Variants in RND3 observed in about 807,000 individuals in gnomAD.
RND3 encodes rho-related GTP-binding protein RhoE.
RND3 carries 8 observed loss-of-function variants against 26.5 expected under a neutral mutation model. The observed-to-expected ratio is 0.30, with a 90% CI of 0.18 to 0.54. The LOEUF (loss-of-function observed/expected upper bound fraction) is 0.54. Ranked by LOEUF, RND3 falls within the 20% of genes least tolerant of loss-of-function variation. The pLI is 0.94. For missense variants in RND3, 207 were observed against 302.8 expected, an observed-to-expected ratio of 0.68 and a Z score of 2.35; for synonymous variants, 113 against 113.0, an observed-to-expected ratio of 1.00 and a Z score of 0.00.
chr2:150,480,066 G>A (rs1347747459), intron 3 of RND3, among the ~76,000 whole-genome samples: 2 of 152,114 alleles, frequency 1.3e-5, no homozygotes, highest in African/African-American at 4.8e-5. Context: ...TCTTATTGAG[G>A]TACTTAAAAA....
chr2:150,479,013 T>C (rs918920950), intron 3 of RND3, among the ~76,000 whole-genome samples: 2 of 148,680 alleles, frequency 1.3e-5, no homozygotes, highest in East Asian at 2.0e-4. Flanking sequence ...ACAACTACAC[T>C]ATATATGCAA....
intron 3 of RND3, among the ~76,000 whole-genome samples, chr2:150,485,882 A>G (rs981498580): frequency 2.6e-5 from 4 of 152,110 alleles, no homozygotes; most frequent in African/African-American, 9.7e-5. Flanking sequence ...ACCCATGAAT[A>G]TAACCCACCG....
chr2:150,475,389 G>A (rs1686147541), intron 3 of RND3, among the ~76,000 whole-genome samples: 1 of 152,200 alleles, frequency 6.6e-6, no homozygotes, highest in Non-Finnish European at 1.5e-5. Context: ...AAATGAAGAT[G>A]CTGACAACAT....
At chr2:150,485,970 G>A (rs1377728389) in intron 3 of RND3, among the ~76,000 whole-genome samples, 1 of 152,146 alleles carries the variant, frequency 6.6e-6, no homozygotes, top group Non-Finnish European at 1.5e-5. Flanking sequence ...AGCCGAGTGG[G>A]GGATGCAATA....
At chr2:150,472,235 C>G (rs1275441779) in intron 4 of RND3, among the ~76,000 whole-genome samples, 1 of 152,274 alleles carries the variant, frequency 6.6e-6, no homozygotes, top group East Asian at 1.9e-4. Flanking sequence ...TCATGAAACA[C>G]TGAAGCATGC....
rs184234802 is a variant in RND3, at chr2:150,468,382, C to T, written c.*1605G>A. 16 of 152,720 alleles carry T rather than the reference C, an allele frequency of 1.0e-4. No individual in the cohort carries two copies. In the East Asian group the frequency reaches 1.5e-3, roughly 15 times the overall value. The allele number at this position is 152,720 out of a possible 1,614,324, so 9.5% of individuals were successfully genotyped here. A position where few individuals can be genotyped will look rare whatever the true frequency, so the allele number is the denominator to read the frequency against. ...ACAATATTTAAATACAGAAAGCACT[C>T]GCCAGCTATTTTGTAATACTGCCCA... On this transcript the variant is annotated 3_prime_UTR_variant, in exon 6 of 6. Transcript: ENST00000263895.
rs775616658 is a variant in RND3, at chr2:150,487,465, A to AAG, written c.-38-11_-38-10insCT. On this transcript the variant is annotated splice_polypyrimidine_tract_variant and intron_variant, in intron 1 of 5. Transcript: ENST00000263895. The stretch of plus-strand genomic sequence containing the variant: ...GGAACAGGAATTTTCTCTTAAGAAG[A>AAG]AAAAAAAAAATATATATATATATAT... 2.2e-5 allele frequency: 5 copies of AAG among 229,802 alleles called. No individual in the cohort carries two copies. In the South Asian group the frequency reaches 5.6e-4, roughly 26 times the overall value. The allele number at this position is 229,802 out of a possible 1,614,324, so 14.2% of individuals were successfully genotyped here.
At chr2:150,474,331 T>A (rs1686131394) in intron 4 of RND3, among the ~76,000 whole-genome samples, 1 of 152,200 alleles carries the variant, frequency 6.6e-6, no homozygotes, top group Non-Finnish European at 1.5e-5. Flanking sequence ...ACTGCTTCCA[T>A]ATTACTAGAA....
Position 150,487,309 on chromosome 2 carries a change from T to C in RND3, c.109A>G (p.Thr37Ala). 2 of 1,603,988 alleles carry C rather than the reference T, an allele frequency of 1.2e-6. No individual in the cohort carries two copies. The highest frequency in any genetic ancestry group is 1.7e-6 in the Non-Finnish European group (2 of 1,174,782). ...TTGGCGAAGACATGGAGCAGCGCAG[T>C]TTTTCCACACTGACTGTCTCCCACC... Reference protein sequence around the residue: ...VVVGDSQCGKTALLHVFAKDC... With the variant: ...VVVGDSQCGKAALLHVFAKDC... Residue 37 changes from threonine (T) to alanine (A), a missense_variant, in exon 2 of 6, where the codon ACT (threonine) becomes GCT (alanine). By Grantham distance (58) the Thr-to-Ala change is moderately conservative. Coordinates refer to ENST00000263895, the MANE Select transcript of RND3 (RefSeq NM_005168.5).
In RND3 at chr2:150,486,899, T is replaced by A. The variant is rs1248496894; in HGVS notation, c.151-118A>T. On this transcript the variant is annotated intron_variant, in intron 2 of 5. Transcript: ENST00000263895. This position sits in a 1 kb window ranked among gnomAD's most constrained non-coding sequence, Gnocchi z 4.5. ...GCTCCCCAGTTAAGAAAGAAAACCT[T>A]CACACATCAGACCACACACTAAGCA... The A allele has an allele frequency of 3.8e-6, 3 of 796,058 alleles. No individual in the cohort carries two copies. In the Admixed American group the frequency reaches 5.3e-5, roughly 14 times the overall value. 49.3% of individuals were successfully genotyped at this position (796,058 alleles called of 1,614,324 possible).
At chr2:150,484,720 A>C (rs1686329793) in intron 3 of RND3, among the ~76,000 whole-genome samples, 1 of 152,210 alleles carries the variant, frequency 6.6e-6, no homozygotes. Flanking sequence ...CACATCATCT[A>C]GCTCAGTGTC....
chr2:150,480,115 TG>T (rs559709671), intron 3 of RND3, among the ~76,000 whole-genome samples: 104 of 152,304 alleles, frequency 6.8e-4, no homozygotes, highest in African/African-American at 2.5e-3. Context: ...AGTGGAACCA[TG>T]GTTAAGTCAA....
At chr2:150,478,666 C>T (rs1339089499) in intron 3 of RND3, among the ~76,000 whole-genome samples, 1 of 148,406 alleles carries the variant, frequency 6.7e-6, no homozygotes, top group Non-Finnish European at 1.5e-5. Flanking sequence ...TAGAACTAAA[C>T]ACAGCACAAG....
chr2:150,481,149 A>G (rs183237617), intron 3 of RND3, among the ~76,000 whole-genome samples: 12 of 152,190 alleles, frequency 7.9e-5, no homozygotes, highest in African/African-American at 1.4e-4. Context: ...AACTTAGTCA[A>G]CTTCTAGAAA....
rs1280128819 is a variant in RND3, at chr2:150,474,996, C to CA, written c.239-13dup. On this transcript the variant is annotated splice_polypyrimidine_tract_variant and intron_variant, in intron 3 of 5. Transcript: ENST00000263895. ...ATAGTAAGGAGAACCTGAGAAGAAA[C>CA]AAAGACACACAAATTTTCAGATGAG... 6.6e-7 allele frequency: 1 copy of CA among 1,525,630 alleles called. No homozygotes were observed. The highest frequency in any genetic ancestry group is 1.7e-4 in the Middle Eastern group (1 of 5,900). 94.5% of individuals were successfully genotyped at this position (1,525,630 alleles called of 1,614,324 possible). A position where few individuals can be genotyped will look rare whatever the true frequency, so the allele number is the denominator to read the frequency against.
chr2:150,473,041 C>G (rs1400738256), intron 4 of RND3, among the ~76,000 whole-genome samples: 1 of 149,714 alleles, frequency 6.7e-6, no homozygotes, highest in Non-Finnish European at 1.5e-5. Flanking sequence ...TTCTTTCCTC[C>G]CTCCCTTCCT....
Position 150,486,676 on chromosome 2 carries a change from C to G in RND3, c.238+18G>C. 6.4e-7 allele frequency: 1 copy of G among 1,572,970 alleles called. No homozygotes were observed. The highest frequency in any genetic ancestry group is 8.8e-7 in the Non-Finnish European group (1 of 1,142,452). ...CTGGAAACCCGCCCCAAGCGCCACGCGGTCCTCCCACTCTTACCCGAAGTG... is the reference window on the plus strand; with the variant it reads ...CTGGAAACCCGCCCCAAGCGCCACGGGGTCCTCCCACTCTTACCCGAAGTG... On this transcript the variant is annotated intron_variant, in intron 3 of 5. Coordinates refer to ENST00000263895, the MANE Select transcript of RND3 (RefSeq NM_005168.5). The surrounding 1 kb of genome is among the most constrained non-coding windows in gnomAD (Gnocchi z 4.5).
intron 3 of RND3, among the ~76,000 whole-genome samples, chr2:150,480,520 A>C (rs149286923): frequency 6.6e-6 from 1 of 152,320 alleles, no homozygotes; most frequent in East Asian, 1.9e-4. Flanking sequence ...TGTCATATTT[A>C]CATGCAAAAG....
At chr2:150,485,580 A>G (rs929134214) in intron 3 of RND3, among the ~76,000 whole-genome samples, 3 of 152,210 alleles carry the variant, frequency 2.0e-5, no homozygotes, top group Admixed American at 1.3e-4. Flanking sequence ...CCCTAAGCGC[A>G]GGGGCCTTTA....
Sources: gnomAD v4.1 joint callset for allele counts (sites outside exome capture counted in the v4.1 genomes callset) on GRCh38, gnomAD v4.1.1 for gene constraint, Gnocchi (gnomAD v3.1) non-coding constraint, MANE v1.5 for transcripts, NCBI Gene and HGNC (gene_info 2026-07-23, HGNC 2026-07-21) for gene names.